PLPP7: variants seen among roughly 807,000 people sequenced by gnomAD.
PLPP7 encodes phospholipid phosphatase 7 (inactive).
PLPP7 carries 11 observed loss-of-function variants against 16.9 expected under a neutral mutation model. That is an observed-to-expected ratio of 0.65 (90% CI 0.41 to 1.08). The LOEUF is 1.08. Ranked by LOEUF, PLPP7 falls within the 50% of genes least tolerant of loss-of-function variation. PLPP7 has a pLI of 0.00. For synonymous variants in PLPP7, 174 were observed against 175.1 expected, an observed-to-expected ratio of 0.99 and a Z score of 0.05; for missense variants, 358 against 397.1, an observed-to-expected ratio of 0.90 and a Z score of 0.84.
chr9:131,291,815 C>T (rs1018221746), intron 1 of PLPP7, among the ~76,000 whole-genome samples: 1 of 152,202 alleles, frequency 6.6e-6, no homozygotes, highest in African/African-American at 2.4e-5. Flanking sequence ...CTCCTGACCT[C>T]AGGTGATCCA....
chr9:131,291,295 G>A (rs1442352385), intron 1 of PLPP7: 2 of 1,239,718 alleles, frequency 1.6e-6, no homozygotes, highest in South Asian at 1.3e-5. Flanking sequence ...CTTTCCCGGT[G>A]TGGCCATCAT....
chr9:131,290,280 C>T lies in PLPP7; in HGVS notation c.283C>T (p.Arg95Trp), dbSNP rs146871462. 1.3e-5 allele frequency: 21 copies of T among 1,612,126 alleles called. No homozygotes were observed. The highest frequency in any genetic ancestry group is 9.3e-5 in the African/African-American group (7 of 74,926). The part of the protein sequence containing the change: ...LLAIDICMSK[R>W]LGVCAGRAAS... ...GGCCATCGATATCTGTATGTCCAAG[C>T]GGCTGGGGGTGTGCGCTGGCCGGGC... Residue 95 changes from arginine (R) to tryptophan (W), a missense_variant, in exon 1 of 2, where the codon CGG becomes TGG. Arg to Trp is a moderately radical substitution (Grantham distance 101, BLOSUM62 -3). Coordinates refer to ENST00000372264, the MANE Select transcript of PLPP7 (RefSeq NM_032728.4). This position sits in a 1 kb window ranked among gnomAD's most constrained non-coding sequence, Gnocchi z 4.2.
At position 131,290,614 on chromosome 9, in the gene PLPP7, G is replaced by T. The variant is rs1049491218; in HGVS notation, c.451+166G>T. 1.4e-5 allele frequency among the ~76,000 whole-genome samples: 2 copies of T among 138,594 alleles called. No homozygotes were observed. The highest frequency in any genetic ancestry group is 4.8e-4 in the East Asian group (2 of 4,156). The allele number at this position is 138,594 out of a possible 152,430, so 90.9% of individuals were successfully genotyped here. On this transcript the variant is annotated intron_variant, in intron 1 of 1. Coordinates refer to ENST00000372264, the MANE Select transcript of PLPP7 (RefSeq NM_032728.4). The surrounding 1 kb of genome is among the most constrained non-coding windows in gnomAD (Gnocchi z 4.2). ...CCCAGAAACAGGCAGGCTCCGGCGT[G>T]GGGGAGCGACAGCCAGGGATGCATA...
rs1408273059 is a variant in PLPP7 at position 131,309,031 on chromosome 9, G to A, written c.*744G>A. 4 of 152,490 alleles carry A rather than the reference G, an allele frequency of 2.6e-5. No individual in the cohort carries two copies. The highest frequency in any genetic ancestry group is 4.1e-4 in the South Asian group (2 of 4,834). 9.4% of individuals were successfully genotyped at this position (152,490 alleles called of 1,614,324 possible). On this transcript the variant is annotated 3_prime_UTR_variant, in exon 2 of 2. Transcript: ENST00000372264. ...AAGGAATTATTGGTTCCTCAAGTGC[G>A]TTTTGGGAGCTGCTGCCAGAGAGCT... is the stretch of plus-strand genomic sequence containing the variant.
chr9:131,306,489 A>T lies in PLPP7; in HGVS notation c.452-1434A>T, dbSNP rs1350685470. On this transcript the variant is annotated intron_variant, in intron 1 of 1. Transcript: ENST00000372264. The stretch of plus-strand genomic sequence containing the variant: ...CCCGGGAGGTGGGCAGTGAGCCGAG[A>T]TCATGCCACCACACTCCAGCCTGGG... 7.2e-5 allele frequency among the ~76,000 whole-genome samples: 11 copies of T among 151,786 alleles called. No homozygotes were observed. In the East Asian group the frequency reaches 2.1e-3, roughly 29 times the overall value.
chr9:131,293,315 G>T (rs557828846), intron 1 of PLPP7, among the ~76,000 whole-genome samples: 1 of 152,326 alleles, frequency 6.6e-6, no homozygotes, highest in South Asian at 2.1e-4. Context: ...CTGGGAGGAG[G>T]TTGACTGTCT....
At position 131,290,883 on chromosome 9, in the gene PLPP7, G is replaced by A. The variant is rs530295075; in HGVS notation, c.451+435G>A. Among the ~76,000 whole-genome samples the A allele has an allele frequency of 7.2e-5, 11 of 152,040 alleles. No individual in the cohort carries two copies. Among genetic ancestry groups the A allele is most frequent in the East Asian group, 1.9e-4 (1 of 5,168 alleles). Reference sequence around the variant, plus strand: ...GACAGCTCCCAGCCAGGCTGTTCCCGTGAGCTGCCCCATGAGCACCTCCCG... The same window carrying A: ...GACAGCTCCCAGCCAGGCTGTTCCCATGAGCTGCCCCATGAGCACCTCCCG... On this transcript the variant is annotated intron_variant, in intron 1 of 1. Coordinates refer to ENST00000372264, the MANE Select transcript of PLPP7 (RefSeq NM_032728.4). This position sits in a 1 kb window ranked among gnomAD's most constrained non-coding sequence, Gnocchi z 4.2.
Position 131,308,407 on chromosome 9 carries a change from CA to C in PLPP7, c.*121del. 1 of 1,408,962 alleles carries C rather than the reference CA, an allele frequency of 7.1e-7. No homozygotes were observed. Among genetic ancestry groups the C allele is most frequent in the South Asian group, 1.5e-5 (1 of 66,858 alleles). 87.3% of individuals were successfully genotyped at this position (1,408,962 alleles called of 1,614,324 possible). ...GGCCAGGAGTCAGAGCGGCCACCCCCACCTCATCTTCCCCTCCTGGCTGGAG... is the reference window on the plus strand; with the variant it reads ...GGCCAGGAGTCAGAGCGGCCACCCCCCCTCATCTTCCCCTCCTGGCTGGAG... On this transcript the variant is annotated 3_prime_UTR_variant, in exon 2 of 2. Transcript: ENST00000372264.
chr9:131,304,870 C>T (rs2131220381), intron 1 of PLPP7, among the ~76,000 whole-genome samples: 1 of 152,338 alleles, frequency 6.6e-6, no homozygotes, highest in East Asian at 1.9e-4. Context: ...AGCCACGAAA[C>T]AGAGGGCCAG....
At chr9:131,305,647 C>T (rs1835844839) in intron 1 of PLPP7, among the ~76,000 whole-genome samples, 1 of 151,956 alleles carries the variant, frequency 6.6e-6, no homozygotes, top group South Asian at 2.1e-4. Flanking sequence ...GCGTGCACCA[C>T]CACACTCAGC....
intron 1 of PLPP7, among the ~76,000 whole-genome samples, chr9:131,300,923 A>G (rs1835792004): frequency 6.6e-6 from 1 of 151,968 alleles, no homozygotes; most frequent in Admixed American, 6.6e-5. Context: ...GCAGCTGTCC[A>G]TTAGGGCCCT....
In PLPP7 at chr9:131,308,221, G is replaced by C. The variant is rs758487898; in HGVS notation, c.750G>C (p.Gln250His). ...CCGGCTTTGTCATCGGCTACCTCCA[G>C]TTCCGTCTGGTGGAGCTGGTCTGGA... ...VLSGFVIGYL[Q>H]FRLVELVWMP... The change falls in exon 2 of 2, where the codon CAG becomes CAC. Residue 250 changes from glutamine (Q) to histidine (H), a missense_variant. By Grantham distance (24) the Gln-to-His change is conservative. Coordinates refer to ENST00000372264, the MANE Select transcript of PLPP7 (RefSeq NM_032728.4). 2 of 1,599,640 alleles carry C rather than the reference G, an allele frequency of 1.3e-6. No individual in the cohort carries two copies. Among genetic ancestry groups the C allele is most frequent in the Non-Finnish European group, 1.7e-6 (2 of 1,179,822 alleles).
intron 1 of PLPP7, among the ~76,000 whole-genome samples, chr9:131,300,706 A>T (rs1211105483): frequency 1.3e-5 from 2 of 150,896 alleles, no homozygotes; most frequent in Non-Finnish European, 2.9e-5. Flanking sequence ...AAAAAAAAAA[A>T]AAAAAAAGGG....
intron 1 of PLPP7, among the ~76,000 whole-genome samples, chr9:131,304,670 C>G (rs1346605407): frequency 6.6e-6 from 1 of 152,132 alleles, no homozygotes; most frequent in Non-Finnish European, 1.5e-5. Context: ...AGGAAAGAGC[C>G]CACCTCGCTG....
chr9:131,293,244 G>A (rs949950853), intron 1 of PLPP7, among the ~76,000 whole-genome samples: 3 of 97,488 alleles, frequency 3.1e-5, no homozygotes, highest in African/African-American at 1.0e-4. Flanking sequence ...GCTGCAGGTC[G>A]GGCATATCAC....
At chr9:131,299,776 T>C (rs1260413078) in intron 1 of PLPP7, among the ~76,000 whole-genome samples, 1 of 152,184 alleles carries the variant, frequency 6.6e-6, no homozygotes, top group African/African-American at 2.4e-5. Context: ...CCAGCCTCGT[T>C]CACAGTGCCA....
rs542401483 is a variant in PLPP7, at chr9:131,291,809, T to C, written c.451+1361T>C. ...GTTGGCCAGGCTGGTCTCAAACTCC[T>C]GACCTCAGGTGATCCACCCGCCTTG... On this transcript the variant is annotated intron_variant, in intron 1 of 1. Coordinates refer to ENST00000372264, the MANE Select transcript of PLPP7 (RefSeq NM_032728.4). 5.4e-3 allele frequency among the ~76,000 whole-genome samples: 829 copies of C among 152,350 alleles called. 12 individuals carry two copies. Among genetic ancestry groups the C allele is most frequent in the African/African-American group, 0.019 (792 of 41,572 alleles).
intron 1 of PLPP7, among the ~76,000 whole-genome samples, chr9:131,303,934 T>C (rs1288515955): frequency 6.6e-6 from 1 of 152,148 alleles, no homozygotes; most frequent in Non-Finnish European, 1.5e-5. Context: ...GCCACCACAC[T>C]GCACTGTGGG....
chr9:131,306,536 C>CA lies in PLPP7; in HGVS notation c.452-1376dup, dbSNP rs1178642760. On this transcript the variant is annotated intron_variant, in intron 1 of 1. Transcript: ENST00000372264. ...TGGGCAACAGAACGAGACTCCATCT[C>CA]AAAAAAAAAAAGAAAGAGAAGATGA... Among the ~76,000 whole-genome samples the CA allele has an allele frequency of 3.0e-3, 428 of 140,374 alleles. 1 individual carries two copies. The highest frequency in any genetic ancestry group is 9.0e-3 in the African/African-American group (343 of 38,030). The allele number at this position is 140,374 out of a possible 152,430, so 92.1% of individuals were successfully genotyped here.
Sources: allele counts gnomAD v4.1 joint callset (sites outside exome capture counted in the v4.1 genomes callset), GRCh38; gene constraint gnomAD v4.1.1; non-coding constraint Gnocchi (gnomAD v3.1); transcripts MANE v1.5; gene names NCBI Gene and HGNC (gene_info 2026-07-23, HGNC 2026-07-21).